Variants in M1AP observed in about 807,000 individuals in gnomAD.
M1AP encodes meiosis 1 associated protein, also known as meiosis 1 arrest protein.
In M1AP, 39 loss-of-function variants were observed where a neutral mutation model predicts 51.2. The ratio of observed to expected loss-of-function variants is 0.76; its 90% CI spans 0.59 to 1.00. The LOEUF (loss-of-function observed/expected upper bound fraction) is 1.00, where lower values mean the gene tolerates loss of function less well. Ranked by LOEUF, M1AP falls within the 50% of genes least tolerant of loss-of-function variation. M1AP has a pLI of 0.00. For missense variants in M1AP, 545 were observed against 641.2 expected (o/e 0.85, Z 1.62); for synonymous variants, 251 against 249.2 (o/e 1.01, Z -0.07).
At chr2:74,559,915 T>G (rs1424549407) in intron 9 of M1AP, among the ~76,000 whole-genome samples, 2 of 152,218 alleles carry the variant, frequency 1.3e-5, no homozygotes, top group African/African-American at 4.8e-5. Context: ...TAATGAGCTA[T>G]CATAAACACT....
Position 74,641,847 on chromosome 2 carries a change from ATT to A in M1AP, c.-52-1522_-52-1521del, listed in dbSNP as rs10709998. Among the ~76,000 whole-genome samples the A allele has an allele frequency of 1.4e-3, 199 of 142,424 alleles. 1 individual carries two copies. The highest frequency in any genetic ancestry group is 4.6e-3 in the African/African-American group (180 of 38,952). 93.4% of individuals were successfully genotyped at this position (142,424 alleles called of 152,430 possible). ...TATAACAGGATACACTCCTCAACTA[ATT>A]TTTTTTTTTTTTTTAGATGGAGTTT... On this transcript the variant is annotated intron_variant, in intron 1 of 10. Transcript: ENST00000421985.
At chr2:74,607,346 G>A (rs1036004715) in intron 3 of M1AP, 123 bp from the exon 4 acceptor site, 9 of 945,856 alleles carry the variant, frequency 9.5e-6, no homozygotes, top group Non-Finnish European at 1.4e-5. Flanking sequence ...TATGTTTAGT[G>A]CAAAAAGGAT....
Position 74,609,205 on chromosome 2 carries a change from T to C in M1AP, c.427-1982A>G, listed in dbSNP as rs374957504. 4.0e-4 allele frequency among the ~76,000 whole-genome samples: 61 copies of C among 152,248 alleles called. 1 individual carries two copies. Among genetic ancestry groups the C allele is most frequent in the African/African-American group, 1.4e-3 (60 of 41,524 alleles). ...TGCACCATTGGCCAACCTCTCCTCA[T>C]GCACCCTTCCCCCCTATCCTCAGCC... On this transcript the variant is annotated intron_variant, in intron 3 of 10. Coordinates refer to ENST00000421985, the MANE Select transcript of M1AP (RefSeq NM_001321739.2).
chr2:74,575,825 A>G (rs920543758), intron 6 of M1AP, among the ~76,000 whole-genome samples: 1 of 152,260 alleles, frequency 6.6e-6, no homozygotes, highest in Non-Finnish European at 1.5e-5. Flanking sequence ...AGACTCTGCC[A>G]TTATTGCTAA....
At chr2:74,599,237 C>T (rs569764490) in intron 4 of M1AP, among the ~76,000 whole-genome samples, 26 of 152,196 alleles carry the variant, frequency 1.7e-4, no homozygotes, top group South Asian at 1.0e-3. Flanking sequence ...TGAGATCATG[C>T]GACTGCAGTC....
In M1AP at chr2:74,607,161, T is replaced by C; in HGVS notation, c.489A>G (p.Lys163=). 1 of 1,614,202 alleles carries C rather than the reference T, an allele frequency of 6.2e-7. No individual in the cohort carries two copies. The highest frequency in any genetic ancestry group is 8.5e-7 in the Non-Finnish European group (1 of 1,180,026). ...TCCTGACTCTGGCTAGGTCTGTATC[T>C]TTCAACCCTTCCTCCAACTGTTTGA... ...EVVKQLEEGL[K]DTDLARVRRF... Residue 163 remains lysine (K), a synonymous_variant, in exon 4 of 11, where the codon AAA becomes AAG. Coordinates refer to ENST00000421985, the MANE Select transcript of M1AP (RefSeq NM_001321739.2).
intron 2 of M1AP, among the ~76,000 whole-genome samples, chr2:74,616,751 G>A (rs192942264): frequency 6.6e-6 from 1 of 152,202 alleles, no homozygotes; most frequent in East Asian, 1.9e-4. Flanking sequence ...CAAATTTTGA[G>A]AAATAATTAT....
At chr2:74,625,525 C>G (rs1278599731) in intron 2 of M1AP, among the ~76,000 whole-genome samples, 3 of 151,880 alleles carry the variant, frequency 2.0e-5, no homozygotes, top group African/African-American at 7.3e-5. Context: ...AATTTATTGC[C>G]TCTCAACTCC....
chr2:74,558,980 T>G, intron 10 of M1AP, 106 bp from the exon 11 acceptor site: 3 of 1,109,868 alleles, frequency 2.7e-6, no homozygotes, highest in Non-Finnish European at 3.7e-6. Flanking sequence ...GTTCATTCCC[T>G]GGAGTGACAG....
chr2:74,563,987 A>G (rs954874511), intron 7 of M1AP, among the ~76,000 whole-genome samples: 2 of 152,202 alleles, frequency 1.3e-5, no homozygotes, highest in Non-Finnish European at 2.9e-5. Context: ...ACTGGGGGTG[A>G]TCTTCAGTTA....
chr2:74,573,546 T>C (rs1382729559), intron 7 of M1AP, among the ~76,000 whole-genome samples: 1 of 147,870 alleles, frequency 6.8e-6, no homozygotes, highest in Non-Finnish European at 1.5e-5. Context: ...AGCTGTGGGA[T>C]TTCACCATGT....
At chr2:74,613,846 T>C (rs553058811) in intron 3 of M1AP, among the ~76,000 whole-genome samples, 3 of 152,072 alleles carry the variant, frequency 2.0e-5, no homozygotes, top group East Asian at 3.9e-4. Flanking sequence ...AAGTGTGGAG[T>C]GGTATGATCA....
intron 7 of M1AP, among the ~76,000 whole-genome samples, chr2:74,563,740 T>C (rs1678190074): frequency 6.6e-6 from 1 of 151,484 alleles, no homozygotes; most frequent in Admixed American, 6.6e-5. Context: ...CTGTGGATGA[T>C]GGGTTATTAT....
intron 8 of M1AP, among the ~76,000 whole-genome samples, chr2:74,561,467 C>G (rs1286821228): frequency 6.6e-6 from 1 of 151,948 alleles, no homozygotes; most frequent in Non-Finnish European, 1.5e-5. Flanking sequence ...CACCAGCACA[C>G]AGATGTGCAC....
chr2:74,565,785 C>T (rs1678337324), intron 7 of M1AP, among the ~76,000 whole-genome samples: 1 of 151,556 alleles, frequency 6.6e-6, no homozygotes, highest in Non-Finnish European at 1.5e-5. Context: ...GCCGAAATCA[C>T]ACCACTGCCC....
At position 74,558,559 on chromosome 2, in the gene M1AP, C is replaced by T. The variant is rs560527817; in HGVS notation, c.*157G>A. The T allele has an allele frequency of 5.5e-4, 423 of 766,298 alleles. No individual in the cohort carries two copies. Among genetic ancestry groups the T allele is most frequent in the Non-Finnish European group, 7.8e-4 (378 of 483,540 alleles). The allele number at this position is 766,298 out of a possible 1,614,324, so 47.5% of individuals were successfully genotyped here. A position where few individuals can be genotyped will look rare whatever the true frequency, so the allele number is the denominator to read the frequency against. On this transcript the variant is annotated 3_prime_UTR_variant, in exon 11 of 11. Coordinates refer to ENST00000421985, the MANE Select transcript of M1AP (RefSeq NM_001321739.2). ...TCGCTTCCAGACTTGAGGAGTGGGA[C>T]AGCACTGAAACAGGACAGGAAGGCT...
At chr2:74,643,740 T>C (rs1329588434) in intron 1 of M1AP, among the ~76,000 whole-genome samples, 1 of 152,030 alleles carries the variant, frequency 6.6e-6, no homozygotes, top group African/African-American at 2.4e-5. Context: ...ACTACAGGCA[T>C]GCACCACAAT....
chr2:74,590,614 C>A (rs363687), intron 4 of M1AP, among the ~76,000 whole-genome samples: 4 of 152,016 alleles, frequency 2.6e-5, no homozygotes, highest in Admixed American at 2.6e-4. Context: ...TTTTTATAAT[C>A]TTTTTCTTAG....
intron 7 of M1AP, among the ~76,000 whole-genome samples, chr2:74,569,933 T>A (rs552218189): frequency 4.0e-5 from 6 of 151,294 alleles, no homozygotes; most frequent in Non-Finnish European, 8.8e-5. Context: ...TGTGTGTGTG[T>A]GAAAGGTTCT....
Sources: allele counts gnomAD v4.1 joint callset (sites outside exome capture counted in the v4.1 genomes callset), GRCh38; gene constraint gnomAD v4.1.1; transcripts MANE v1.5; gene names NCBI Gene and HGNC (gene_info 2026-07-23, HGNC 2026-07-21).